Variants in PANK1 observed in about 807,000 individuals in gnomAD.
PANK1 encodes the protein pantothenic acid kinase 1.
In PANK1, 18 loss-of-function variants were observed where a neutral mutation model predicts 40.1. The ratio of observed to expected loss-of-function variants is 0.45; its 90% CI spans 0.31 to 0.67. The LOEUF (loss-of-function observed/expected upper bound fraction) is 0.67. PANK1 is among the 30% of genes least tolerant of loss of function. PANK1 has a pLI of 0.06. For synonymous variants in PANK1, 242 were observed against 237.7 expected (o/e 1.02, Z -0.17); for missense variants, 457 against 599.6 (o/e 0.76, Z 2.48).
rs183437359 is a variant in PANK1 at position 89,599,251 on chromosome 10, C to A, written c.899+1G>T. ...TCAAGCACAAGCAGAAACATGTTTA[C>A]CTGGTCCCTGTAACTCTTTTATAGT... On this transcript the variant is annotated splice_donor_variant, in intron 3 of 6. Coordinates refer to ENST00000307534, the MANE Select transcript of PANK1 (RefSeq NM_148977.3). LOFTEE classifies it high-confidence loss of function. The A allele has an allele frequency of 6.2e-7, 1 of 1,612,780 alleles. No individual in the cohort carries two copies. Among genetic ancestry groups the A allele is most frequent in the Admixed American group, 1.7e-5 (1 of 59,876 alleles).
Position 89,584,469 on chromosome 10 carries a change from C to G in PANK1, c.1327-4G>C. 6.3e-7 allele frequency: 1 copy of G among 1,595,858 alleles called. No homozygotes were observed. The highest frequency in any genetic ancestry group is 8.6e-7 in the Non-Finnish European group (1 of 1,163,676). ...CCCCAACGGCTCCAAAATAACCCTA[C>G]GAAAACAATACAAAACGATGATCTC... On this transcript the variant is annotated splice_polypyrimidine_tract_variant and splice_region_variant and intron_variant, in intron 6 of 6. Transcript: ENST00000307534.
chr10:89,641,557 T>C (rs1240801814), intron 1 of PANK1, among the ~76,000 whole-genome samples: 1 of 152,026 alleles, frequency 6.6e-6, no homozygotes, highest in African/African-American at 2.4e-5. Context: ...CCTTGAGCCC[T>C]TCAGATGATA....
At chr10:89,636,740 C>T (rs150202077) in intron 1 of PANK1, among the ~76,000 whole-genome samples, 5 of 151,486 alleles carry the variant, frequency 3.3e-5, no homozygotes, top group South Asian at 4.2e-4. Flanking sequence ...CATGAGCCAC[C>T]GCACCCAGCC....
chr10:89,628,718 A>G (rs1841546406), intron 1 of PANK1, among the ~76,000 whole-genome samples: 1 of 152,182 alleles, frequency 6.6e-6, no homozygotes, highest in Non-Finnish European at 1.5e-5. Flanking sequence ...TTTAAAACAT[A>G]AATGCCAATT....
At chr10:89,605,713 A>G (rs1844942716) in intron 2 of PANK1, among the ~76,000 whole-genome samples, 1 of 152,090 alleles carries the variant, frequency 6.6e-6, no homozygotes, top group Non-Finnish European at 1.5e-5. Context: ...TATTCCCCCA[A>G]CTTGAATCTG....
rs1378942376 is a variant in PANK1, at chr10:89,588,656, T to C, written c.1322A>G (p.His441Arg). 1 of 1,600,484 alleles carries C rather than the reference T, an allele frequency of 6.2e-7. No homozygotes were observed. The highest frequency in any genetic ancestry group is 1.7e-5 in the Admixed American group (1 of 57,620). The change falls in exon 6 of 7, where the codon CAT (histidine) becomes CGT (arginine). Residue 441 changes from histidine to arginine, a missense_variant. His to Arg is a conservative substitution (Grantham distance 29, BLOSUM62 0). This residue lies in a region of PANK1 where 22 missense variants were observed against 24.6 expected (regional missense o/e 0.89). Coordinates refer to ENST00000307534, the MANE Select transcript of PANK1 (RefSeq NM_148977.3). ...GTCTATGCAAGCTCAACCTACCTCA[T>C]GTTCCAAAAACAGAGCTTTCAGTTG... ...KGQLKALFLE[H>R]EGYFGAVGAL...
chr10:89,589,973 T>G (rs1844326961), intron 5 of PANK1, among the ~76,000 whole-genome samples: 1 of 148,002 alleles, frequency 6.8e-6, no homozygotes, highest in Non-Finnish European at 1.5e-5. Flanking sequence ...GAAGTGGCAT[T>G]AAAACTGGAA....
chr10:89,611,212 T>G (rs1346201538), intron 2 of PANK1, among the ~76,000 whole-genome samples: 1 of 152,216 alleles, frequency 6.6e-6, no homozygotes, highest in Non-Finnish European at 1.5e-5. Context: ...GAGCAAAACT[T>G]CTGAATGGCA....
At position 89,583,334 on chromosome 10, in the gene PANK1, T is replaced by C. The variant is rs562475928; in HGVS notation, c.*1072A>G. 1.3e-5 allele frequency: 2 copies of C among 152,158 alleles called. No homozygotes were observed. Among genetic ancestry groups the C allele is most frequent in the African/African-American group, 4.8e-5 (2 of 41,440 alleles). 9.4% of individuals were successfully genotyped at this position (152,158 alleles called of 1,614,324 possible). ...AAGTACAGTTTTTAGTTTAAAATAT[T>C]AAAAATGAAAAAACCTTTAACATTA... On this transcript the variant is annotated 3_prime_UTR_variant, in exon 7 of 7. Transcript: ENST00000307534.
In PANK1 at chr10:89,593,287, A is replaced by G. The variant is rs1844459925; in HGVS notation, c.1110T>C (p.Asp370=). ...GGGCGAGGTCTTCCTTGCTGATGGA[A>G]TCTCGCTTTTCTTTACTCATCATGT... ...FGNMMSKEKR[D]SISKEDLARA... Residue 370 remains aspartate (D), a synonymous_variant, in exon 5 of 7, where the codon GAT becomes GAC. Transcript: ENST00000307534. 6.2e-7 allele frequency: 1 copy of G among 1,613,666 alleles called. No homozygotes were observed. The highest frequency in any genetic ancestry group is 8.5e-7 in the Non-Finnish European group (1 of 1,179,796).
At chr10:89,622,344 TTATAAGG>T (rs1257221078) in intron 1 of PANK1, among the ~76,000 whole-genome samples, 1 of 152,184 alleles carries the variant, frequency 6.6e-6, no homozygotes, top group Non-Finnish European at 1.5e-5. Flanking sequence ...TGAATTTTAG[TTATAAGG>T]TAATTACCCA....
intron 6 of PANK1, among the ~76,000 whole-genome samples, chr10:89,586,778 G>T (rs575713570): frequency 2.6e-4 from 39 of 152,328 alleles, no homozygotes; most frequent in African/African-American, 9.4e-4. Flanking sequence ...TAAAGGAGGT[G>T]ACAGAGGAGG....
At position 89,644,876 on chromosome 10, in the gene PANK1, C is replaced by T. The variant is rs756178706; in HGVS notation, c.16G>A (p.Gly6Arg). The T allele has an allele frequency of 2.5e-5, 38 of 1,493,840 alleles. No homozygotes were observed. Among genetic ancestry groups the T allele is most frequent in the Non-Finnish European group, 3.3e-5 (37 of 1,126,774 alleles). 92.5% of individuals were successfully genotyped at this position (1,493,840 alleles called of 1,614,324 possible). MGDRS[G>R]QQERSVPHSP... ...TGCGGGACCGAGCGCTCCTGCTGCC[C>T]GCTGCGGTCGCCCATGCCGGGGGCT... The change falls in exon 1 of 7, where the codon GGG (glycine) becomes AGG (arginine). Residue 6 changes from glycine (G) to arginine (R), a missense_variant. Physicochemically the swap from Gly to Arg is moderately radical, Grantham distance 125. Coordinates refer to ENST00000307534, the MANE Select transcript of PANK1 (RefSeq NM_148977.3).
At chr10:89,634,673 T>C (rs114904949) in intron 1 of PANK1, among the ~76,000 whole-genome samples, 98 of 152,294 alleles carry the variant, frequency 6.4e-4, no homozygotes, top group African/African-American at 2.3e-3. Flanking sequence ...ATCCTTCTCA[T>C]CTCCTTTGCA....
At chr10:89,617,859 T>C (rs781658033) in intron 1 of PANK1, among the ~76,000 whole-genome samples, 1 of 152,214 alleles carries the variant, frequency 6.6e-6, no homozygotes, top group South Asian at 2.1e-4. Flanking sequence ...GATTTTCTTT[T>C]GAAAAATAAT....
rs1341883927 is a variant in PANK1, at chr10:89,608,029, AC to A, written c.645+3666del. ...AATTTGGTTATGACAATGATCCTAA[AC>A]TTTTTTTTTTTTTTTTTTTGAGGTG... On this transcript the variant is annotated intron_variant, in intron 2 of 6. Transcript: ENST00000307534. 2.3e-3 allele frequency among the ~76,000 whole-genome samples: 325 copies of A among 142,350 alleles called. 4 individuals carry two copies. Among genetic ancestry groups the A allele is most frequent in the African/African-American group, 4.3e-3 (165 of 38,202 alleles). The allele number at this position is 142,350 out of a possible 152,430, so 93.4% of individuals were successfully genotyped here.
At chr10:89,630,722 G>T (rs953758025) in intron 1 of PANK1, among the ~76,000 whole-genome samples, 1 of 152,138 alleles carries the variant, frequency 6.6e-6, no homozygotes, top group Non-Finnish European at 1.5e-5. Flanking sequence ...TCGATCTCCT[G>T]ACCTCGTGAT....
At chr10:89,586,865 G>A (rs1040657622) in intron 6 of PANK1, among the ~76,000 whole-genome samples, 3 of 152,306 alleles carry the variant, frequency 2.0e-5, no homozygotes, top group Admixed American at 6.5e-5. Context: ...GGTGGCTCAC[G>A]CCTGTAATCC....
At chr10:89,637,438 A>G (rs1841854530) in intron 1 of PANK1, among the ~76,000 whole-genome samples, 1 of 152,208 alleles carries the variant, frequency 6.6e-6, no homozygotes, top group Non-Finnish European at 1.5e-5. Context: ...GGTAAACCCT[A>G]TTGTTCCTAA....
Sources: allele counts gnomAD v4.1 joint callset (sites outside exome capture counted in the v4.1 genomes callset), GRCh38; gene constraint gnomAD v4.1.1; regional missense constraint gnomAD v4.1.1; transcripts MANE v1.5; gene names NCBI Gene and HGNC (gene_info 2026-07-23, HGNC 2026-07-21).